Variants in SNX6 observed in about 807,000 individuals in gnomAD.
SNX6 encodes the protein sorting nexin-6.
In SNX6, 34 loss-of-function variants were observed where a neutral mutation model predicts 63.0. That is an observed-to-expected ratio of 0.54 (90% CI 0.41 to 0.72). SNX6 has a LOEUF of 0.72. SNX6 is among the 30% of genes least tolerant of loss of function. SNX6 has a pLI of 0.00. For missense variants in SNX6, 398 were observed against 471.4 expected, an observed-to-expected ratio of 0.84 and a Z score of 1.44; for synonymous variants, 170 against 164.2, an observed-to-expected ratio of 1.04 and a Z score of -0.27.
chr14:34,608,297 C>T (rs1245867817), intron 3 of SNX6, among the ~76,000 whole-genome samples, 157 bp from the exon 4 acceptor site: 4 of 152,204 alleles, frequency 2.6e-5, no homozygotes, highest in African/African-American at 9.6e-5. Flanking sequence ...CCCACCTCAG[C>T]CTCCGAGTAG....
At chr14:34,563,217 A>C in intron 13 of SNX6, 42 bp from the exon 14 acceptor site, 1 of 1,562,430 alleles carries the variant, frequency 6.4e-7, no homozygotes, top group Non-Finnish European at 8.8e-7. Context: ...TTTATTTCAA[A>C]CAATTCAGAA....
intron 2 of SNX6, among the ~76,000 whole-genome samples, chr14:34,613,610 G>GGA (rs1350322549): frequency 6.6e-6 from 1 of 151,782 alleles, no homozygotes; most frequent in East Asian, 1.9e-4. Flanking sequence ...GGCTAACACA[G>GGA]TGAAACCCCG....
intron 6 of SNX6, among the ~76,000 whole-genome samples, chr14:34,601,219 C>CTTTTTTT (rs77009422): frequency 6.7e-4 from 95 of 142,574 alleles, no homozygotes; most frequent in African/African-American, 1.6e-3. Context: ...AACCCTATTT[C>CTTTTTTT]TTTTTTTTTT....
In SNX6 at chr14:34,597,442, A is replaced by C. The variant is rs896857860; in HGVS notation, c.612+108T>G. ...TCCTGTTCCTAGGACTGAAGATTCTAACCGTCCAAATGTCTTTTACTCTAA... is the reference window on the plus strand; with the variant it reads ...TCCTGTTCCTAGGACTGAAGATTCTCACCGTCCAAATGTCTTTTACTCTAA... On this transcript the variant is annotated intron_variant, in intron 7 of 13. Coordinates refer to ENST00000362031, the MANE Select transcript of SNX6 (RefSeq NM_152233.4). 46 of 715,122 alleles carry C rather than the reference A, an allele frequency of 6.4e-5. No individual in the cohort carries two copies. The East Asian group carries it at 1.2e-3, about 18-fold the overall frequency. 44.3% of individuals were successfully genotyped at this position (715,122 alleles called of 1,614,324 possible). A position where few individuals can be genotyped will look rare whatever the true frequency, so the allele number is the denominator to read the frequency against.
At chr14:34,581,464 C>T in intron 10 of SNX6, 97 bp downstream of exon 10, 1 of 712,840 alleles carries the variant, frequency 1.4e-6, no homozygotes, top group Non-Finnish European at 2.3e-6. Context: ...AGTGATCACT[C>T]TTTTAAAAAA....
intron 6 of SNX6, among the ~76,000 whole-genome samples, chr14:34,602,084 G>A (rs868341669): frequency 8.3e-4 from 126 of 151,390 alleles, no homozygotes; most frequent in African/African-American, 2.9e-3. Context: ...GAGGTCAGGA[G>A]TTCGAGACCA....
intron 2 of SNX6, among the ~76,000 whole-genome samples, chr14:34,621,368 T>C (rs1883615115): frequency 6.6e-6 from 1 of 152,200 alleles, no homozygotes; most frequent in Non-Finnish European, 1.5e-5. Context: ...ATTGGAAATA[T>C]CAGCCATTCT....
At chr14:34,620,010 G>A (rs911194430) in intron 2 of SNX6, among the ~76,000 whole-genome samples, 2 of 152,070 alleles carry the variant, frequency 1.3e-5, no homozygotes, top group African/African-American at 2.4e-5. Context: ...CTGACCTCAA[G>A]ATCAATATAA....
intron 6 of SNX6, among the ~76,000 whole-genome samples, chr14:34,598,377 C>T (rs1182219116): frequency 6.6e-6 from 1 of 152,128 alleles, no homozygotes; most frequent in Non-Finnish European, 1.5e-5. Flanking sequence ...ATGTGTCCCC[C>T]TAAAGTTCAC....
In SNX6 at chr14:34,562,589, A is replaced by T. The variant is rs2138247218; in HGVS notation, c.*533T>A. ...TTCAGAAATCATACTTATAAAGATT[A>T]CATAAAATCTGTCCCAAAACGTCTA... is the stretch of plus-strand genomic sequence containing the variant. On this transcript the variant is annotated 3_prime_UTR_variant, in exon 14 of 14. Transcript: ENST00000362031. 6.5e-6 allele frequency: 1 copy of T among 152,828 alleles called. No homozygotes were observed. Among genetic ancestry groups the T allele is most frequent in the Admixed American group, 6.5e-5 (1 of 15,296 alleles). 9.5% of individuals were successfully genotyped at this position (152,828 alleles called of 1,614,324 possible). A position where few individuals can be genotyped will look rare whatever the true frequency, so the allele number is the denominator to read the frequency against.
At chr14:34,572,178 G>A (rs1476059390) in intron 11 of SNX6, among the ~76,000 whole-genome samples, 1 of 152,136 alleles carries the variant, frequency 6.6e-6, no homozygotes, top group Non-Finnish European at 1.5e-5. Flanking sequence ...TCTAATTAAG[G>A]TGTACAGTGA....
At chr14:34,621,719 C>G (rs560740036) in intron 2 of SNX6, among the ~76,000 whole-genome samples, 5 of 152,156 alleles carry the variant, frequency 3.3e-5, no homozygotes, top group African/African-American at 7.2e-5. Flanking sequence ...CTTGCCCAGC[C>G]CATGTATTAC....
chr14:34,607,576 T>C (rs951159510), intron 4 of SNX6, among the ~76,000 whole-genome samples: 9 of 151,518 alleles, frequency 5.9e-5, no homozygotes, highest in Non-Finnish European at 1.3e-4. Context: ...GGCCATTGCA[T>C]TCCAGCCTGA....
chr14:34,613,098 G>A (rs541432749), intron 2 of SNX6, among the ~76,000 whole-genome samples: 1 of 150,844 alleles, frequency 6.6e-6, no homozygotes, highest in Non-Finnish European at 1.5e-5. Flanking sequence ...CTAATGAGAA[G>A]GTCATGTGAC....
intron 2 of SNX6, among the ~76,000 whole-genome samples, chr14:34,612,725 C>G (rs887176610): frequency 6.6e-6 from 1 of 151,868 alleles, no homozygotes; most frequent in African/African-American, 2.4e-5. Flanking sequence ...TGAGCCACCA[C>G]GCCGAGCCAG....
intron 13 of SNX6, 71 bp from the exon 14 acceptor site, chr14:34,563,246 A>C: frequency 7.1e-7 from 1 of 1,410,140 alleles, no homozygotes; most frequent in Non-Finnish European, 9.9e-7. Context: ...CTGAAAATAC[A>C]GTTAGAAACG....
intron 13 of SNX6, among the ~76,000 whole-genome samples, chr14:34,565,369 G>A (rs1359686142): frequency 6.6e-6 from 1 of 151,488 alleles, no homozygotes; most frequent in African/African-American, 2.4e-5. Flanking sequence ...GAGCCACCGC[G>A]CCCGGCTGAC....
intron 3 of SNX6, among the ~76,000 whole-genome samples, chr14:34,609,190 A>G (rs2138356349): frequency 6.6e-6 from 1 of 152,090 alleles, no homozygotes; most frequent in Admixed American, 6.6e-5. Context: ...ATTAATCTAA[A>G]AAAAGTACAT....
chr14:34,623,337 G>C lies in SNX6; in HGVS notation c.54+6570C>G, dbSNP rs1323605608. ...CAAGTGTAGACGTACTTGGGCAATG[G>C]GGAGTAGACTAGAATATGGGGGAGG... On this transcript the variant is annotated intron_variant, in intron 2 of 13. Transcript: ENST00000362031. Among the ~76,000 whole-genome samples the C allele has an allele frequency of 5.3e-5, 8 of 152,158 alleles. 1 individual carries two copies. Among genetic ancestry groups the C allele is most frequent in the Middle Eastern group, 3.4e-3 (1 of 294 alleles).
Sources: gnomAD v4.1 joint callset for allele counts (sites outside exome capture counted in the v4.1 genomes callset) on GRCh38, gnomAD v4.1.1 for gene constraint, MANE v1.5 for transcripts, NCBI Gene and HGNC (gene_info 2026-07-23, HGNC 2026-07-21) for gene names.